NR5A2: variants seen among roughly 807,000 people sequenced by gnomAD.
NR5A2 encodes the protein CYP7A promoter-binding factor.
A neutral mutation model predicts 62.7 loss-of-function variants in NR5A2; 26 were observed. That is an observed-to-expected ratio of 0.41 (90% CI 0.30 to 0.58). NR5A2 has a LOEUF of 0.58. NR5A2 is among the 20% of genes least tolerant of loss of function. The probability of loss-of-function intolerance (pLI) is 0.22; values close to 1 mark genes in which losing one functional copy is unlikely to be tolerated. For synonymous variants in NR5A2, 246 were observed against 241.7 expected (o/e 1.02, Z -0.16); for missense variants, 541 against 669.1 (o/e 0.81, Z 2.11).
chr1:200,111,572 G>C (rs1348648474), intron 6 of NR5A2, among the ~76,000 whole-genome samples: 5 of 152,126 alleles, frequency 3.3e-5, no homozygotes, highest in African/African-American at 1.2e-4. Context: ...TGCTTACAAG[G>C]GTCCGAAGAA....
chr1:200,125,195 C>A (rs915109686), intron 7 of NR5A2, among the ~76,000 whole-genome samples: 1 of 152,124 alleles, frequency 6.6e-6, no homozygotes, highest in Non-Finnish European at 1.5e-5. Flanking sequence ...TGACTAAAAC[C>A]AGGTGGCAAA....
At chr1:200,137,557 G>A (rs912467767) in intron 7 of NR5A2, among the ~76,000 whole-genome samples, 17 of 152,080 alleles carry the variant, frequency 1.1e-4, no homozygotes, top group African/African-American at 2.9e-4. Context: ...ATAATTGATT[G>A]AAAATCATTA....
intron 6 of NR5A2, among the ~76,000 whole-genome samples, chr1:200,114,428 T>C (rs930188150): frequency 6.6e-6 from 1 of 152,190 alleles, no homozygotes; most frequent in Non-Finnish European, 1.5e-5. Flanking sequence ...GTGCAGACCA[T>C]GTGCTCTCTG....
At chr1:200,070,476 G>A (rs1330979861) in intron 5 of NR5A2, among the ~76,000 whole-genome samples, 1 of 152,032 alleles carries the variant, frequency 6.6e-6, no homozygotes, top group Non-Finnish European at 1.5e-5. Flanking sequence ...GATCACTTGA[G>A]CCTAAGACAA....
chr1:200,071,280 C>T (rs1663726938), intron 5 of NR5A2, among the ~76,000 whole-genome samples: 1 of 152,216 alleles, frequency 6.6e-6, no homozygotes, highest in Admixed American at 6.5e-5. Flanking sequence ...AGCCCTGTCT[C>T]ATTTCACCTT....
chr1:200,075,957 G>A (rs1664014591), intron 5 of NR5A2, among the ~76,000 whole-genome samples: 1 of 151,164 alleles, frequency 6.6e-6, no homozygotes, highest in South Asian at 2.1e-4. Flanking sequence ...AATTCCTTTG[G>A]TATTCTGTTC....
intron 7 of NR5A2, among the ~76,000 whole-genome samples, chr1:200,123,523 T>C (rs2102314258): frequency 6.6e-6 from 1 of 152,216 alleles, no homozygotes; most frequent in African/African-American, 2.4e-5. Context: ...TTACTATGTG[T>C]CCAGCACTGA....
Position 200,095,774 on chromosome 1 carries a change from G to C in NR5A2, c.1111-15428G>C, listed in dbSNP as rs529705763. On this transcript the variant is annotated intron_variant, in intron 5 of 7. Transcript: ENST00000367362. ...TTACCACGTTAGCCAGGATGGTGTC[G>C]ATCTCCTGACCTTGTGATCTGCCCG... is the stretch of plus-strand genomic sequence containing the variant. 5.9e-5 allele frequency among the ~76,000 whole-genome samples: 9 copies of C among 152,124 alleles called. No homozygotes were observed. In the South Asian group the frequency reaches 1.7e-3, roughly 28 times the overall value.
chr1:200,118,462 T>C (rs1666342595), intron 6 of NR5A2, among the ~76,000 whole-genome samples: 1 of 152,230 alleles, frequency 6.6e-6, no homozygotes, highest in Admixed American at 6.5e-5. Flanking sequence ...CTTATTATCA[T>C]CACCTAACTT....
intron 5 of NR5A2, among the ~76,000 whole-genome samples, chr1:200,070,374 C>A (rs2102214129): frequency 6.6e-6 from 1 of 152,116 alleles, no homozygotes; most frequent in Admixed American, 6.5e-5. Context: ...AAATCATCTA[C>A]AAGTCAAGAA....
chr1:200,149,046 G>A (rs1321941647), intron 7 of NR5A2, among the ~76,000 whole-genome samples: 1 of 151,942 alleles, frequency 6.6e-6, no homozygotes, highest in Admixed American at 6.6e-5. Context: ...CCGAGTAGCT[G>A]GGATTACAGG....
intron 6 of NR5A2, among the ~76,000 whole-genome samples, chr1:200,119,189 CTCA>C (rs1166723507): frequency 2.0e-5 from 3 of 152,188 alleles, no homozygotes; most frequent in Admixed American, 6.5e-5. Flanking sequence ...GAAAATTCAA[CTCA>C]TCATATTTAC....
intron 7 of NR5A2, among the ~76,000 whole-genome samples, chr1:200,128,099 A>G (rs72740840): frequency 0.081 from 12,369 of 152,126 alleles, 676 homozygotes; most frequent in Non-Finnish European, 0.12. Flanking sequence ...ATCCCTCAGT[A>G]TATGCAGGGA....
intron 7 of NR5A2, among the ~76,000 whole-genome samples, chr1:200,159,542 C>T (rs1653539945): frequency 6.6e-6 from 1 of 152,116 alleles, no homozygotes; most frequent in East Asian, 1.9e-4. Flanking sequence ...CAGTCAACTG[C>T]TGAGTAATAT....
intron 5 of NR5A2, among the ~76,000 whole-genome samples, chr1:200,051,565 G>A (rs962887643): frequency 6.6e-6 from 1 of 152,136 alleles, no homozygotes; most frequent in African/African-American, 2.4e-5. Flanking sequence ...CGTGAGGGTC[G>A]TCTACAAGGG....
At chr1:200,117,711 TTTTTC>T (rs1441080520) in intron 6 of NR5A2, among the ~76,000 whole-genome samples, 6 of 151,758 alleles carry the variant, frequency 4.0e-5, no homozygotes, top group East Asian at 2.0e-4. Context: ...TAGTGATTTT[TTTTTC>T]TTTTCTTTTT....
intron 6 of NR5A2, among the ~76,000 whole-genome samples, chr1:200,112,828 C>T (rs909504431): frequency 6.6e-6 from 1 of 152,174 alleles, no homozygotes; most frequent in African/African-American, 2.4e-5. Context: ...CCACCTTCAC[C>T]GAACTAGGAG....
Position 200,174,421 on chromosome 1 carries a change from G to C in NR5A2, c.*211G>C, listed in dbSNP as rs1654329502. 2.5e-6 allele frequency: 1 copy of C among 407,914 alleles called. No individual in the cohort carries two copies. The highest frequency in any genetic ancestry group is 2.1e-5 in the African/African-American group (1 of 48,744). The allele number at this position is 407,914 out of a possible 1,614,324, so 25.3% of individuals were successfully genotyped here. On this transcript the variant is annotated 3_prime_UTR_variant, in exon 8 of 8. Coordinates refer to ENST00000367362, the MANE Select transcript of NR5A2 (RefSeq NM_205860.3). ...TATCAGGGTATTTGTATTGCAAACTGTGAATCAAAGGCTTCACAGCCCCAG... is the reference window on the plus strand; with the variant it reads ...TATCAGGGTATTTGTATTGCAAACTCTGAATCAAAGGCTTCACAGCCCCAG...
chr1:200,152,147 C>T (rs1653158655), intron 7 of NR5A2, among the ~76,000 whole-genome samples: 1 of 152,172 alleles, frequency 6.6e-6, no homozygotes, highest in Non-Finnish European at 1.5e-5. Flanking sequence ...GGGTGGGGGA[C>T]TCTCAAGGCC....
Sources: gnomAD v4.1 joint callset for allele counts (sites outside exome capture counted in the v4.1 genomes callset) on GRCh38, gnomAD v4.1.1 for gene constraint, MANE v1.5 for transcripts, NCBI Gene and HGNC (gene_info 2026-07-23, HGNC 2026-07-21) for gene names.